Variants in USP24 observed in about 807,000 individuals in gnomAD.
USP24 encodes the protein ubiquitin specific peptidase 24.
A neutral mutation model predicts 361.6 loss-of-function variants in USP24; 97 were observed. That is an observed-to-expected ratio of 0.27 (90% CI 0.23 to 0.32). USP24 has a LOEUF of 0.32. USP24 is among the 10% of genes least tolerant of loss of function. The probability of loss-of-function intolerance (pLI) is 1.00; values close to 1 mark genes in which losing one functional copy is unlikely to be tolerated. For synonymous variants in USP24, 1,098 were observed against 1,124.6 expected (o/e 0.98, Z 0.47); for missense variants, 2,353 against 3,165.6 (o/e 0.74, Z 6.16).
chr1:55,132,059 T>C (rs896330539), intron 31 of USP24, among the ~76,000 whole-genome samples: 14 of 152,220 alleles, frequency 9.2e-5, no homozygotes, highest in African/African-American at 3.1e-4. Context: ...CTCTGTTCCC[T>C]TAACCACCAC....
intron 56 of USP24, 150 bp downstream of exon 56, chr1:55,085,792 C>T: frequency 2.9e-6 from 2 of 700,660 alleles, no homozygotes; most frequent in Non-Finnish European, 4.7e-6. Context: ...AATGCCTTCT[C>T]CCTGGCATGT....
intron 61 of USP24, 47 bp from the exon 62 acceptor site, chr1:55,077,347 G>A: frequency 6.9e-7 from 1 of 1,450,630 alleles, no homozygotes; most frequent in Non-Finnish European, 9.3e-7. Context: ...AAAGCATATT[G>A]GAATGGCAAT....
chr1:55,168,762 C>T (rs1169889437), intron 5 of USP24, among the ~76,000 whole-genome samples: 1 of 152,158 alleles, frequency 6.6e-6, no homozygotes, highest in African/African-American at 2.4e-5. Context: ...CTTTACTGCT[C>T]AAATTCACAC....
intron 24 of USP24, among the ~76,000 whole-genome samples, chr1:55,140,223 A>G (rs1382700887): frequency 2.0e-5 from 3 of 152,128 alleles, no homozygotes; most frequent in Non-Finnish European, 4.4e-5. Context: ...AGTAAAGAGA[A>G]AAAAACAAAA....
intron 41 of USP24, among the ~76,000 whole-genome samples, chr1:55,104,413 G>C (rs1645718864): frequency 6.6e-6 from 1 of 152,104 alleles, no homozygotes; most frequent in Admixed American, 6.5e-5. Flanking sequence ...GGCAGCAAAA[G>C]AAAGCTGTAA....
rs1570352245 is a variant in USP24 at position 55,079,802 on chromosome 1, ACACACTGAGTACTCGCAGAGTACTTG to A, written c.7079-169_7079-144del. Reference sequence around the variant, plus strand: ...CAGAGTACTCACACACTGAGTACTCACACACTGAGTACTCGCAGAGTACTTGCACACACAGTACTCACACACAGAGT... The same window carrying A: ...CAGAGTACTCACACACTGAGTACTCACACACACAGTACTCACACACAGAGT... On this transcript the variant is annotated intron_variant, in intron 59 of 67. Coordinates refer to ENST00000294383, the MANE Select transcript of USP24 (RefSeq NM_015306.3). The A allele has an allele frequency of 6.2e-6, 5 of 807,396 alleles. No individual in the cohort carries two copies. In the East Asian group the frequency reaches 1.5e-4, roughly 24 times the overall value. 50.0% of individuals were successfully genotyped at this position (807,396 alleles called of 1,614,324 possible).
chr1:55,096,556 G>C lies in USP24; in HGVS notation c.6003C>G (p.Asp2001Glu), dbSNP rs201586567. ...DTVIEEFDLN[D>E]ETLEYECFGG... The stretch of plus-strand genomic sequence containing the variant: ...CAAAGCATTCATACTCCAGGGTCTC[G>C]TCATTTAGGTCAAATTCTTCTATAA... The change falls in exon 50 of 68, where the codon GAC becomes GAG. Residue 2001 changes from aspartate to glutamate, a missense_variant. By Grantham distance (45) the Asp-to-Glu change is conservative. Coordinates refer to ENST00000294383, the MANE Select transcript of USP24 (RefSeq NM_015306.3). 6.2e-7 allele frequency: 1 copy of C among 1,612,766 alleles called. No homozygotes were observed. The highest frequency in any genetic ancestry group is 1.3e-5 in the African/African-American group (1 of 74,816).
At chr1:55,205,655 T>G (rs1327851873) in intron 1 of USP24, among the ~76,000 whole-genome samples, 1 of 152,234 alleles carries the variant, frequency 6.6e-6, no homozygotes, top group Non-Finnish European at 1.5e-5. Context: ...TTTTAGAGTC[T>G]GCAAAATTTT....
intron 1 of USP24, among the ~76,000 whole-genome samples, chr1:55,182,866 C>G (rs1644016429): frequency 6.6e-6 from 1 of 152,104 alleles, no homozygotes; most frequent in Non-Finnish European, 1.5e-5. Flanking sequence ...AAGCGCATAC[C>G]ACCATGTCCA....
chr1:55,182,451 C>T (rs1644002228), intron 1 of USP24, among the ~76,000 whole-genome samples: 1 of 152,154 alleles, frequency 6.6e-6, no homozygotes. Context: ...TTATGGCAGC[C>T]TGTTGAGGCT....
Position 55,081,406 on chromosome 1 carries a change from C to T in USP24, c.6994G>A (p.Ala2332Thr), listed in dbSNP as rs781107218. ...QNNQIRRWSSAQAREFGNLHN... is the reference protein window; with the variant it reads ...QNNQIRRWSSTQAREFGNLHN... ...AGATTCCCAAATTCTCGTGCTTGTG[C>T]TGAACTCCATCGACGTATCTGTCAT... Residue 2332 changes from alanine to threonine, a missense_variant, in exon 59 of 68, where the codon GCA becomes ACA. Around this residue, in one of 8 missense-constraint regions of USP24, gnomAD observed 598 missense variants for 761.9 expected, o/e 0.78. Coordinates refer to ENST00000294383, the MANE Select transcript of USP24 (RefSeq NM_015306.3). 1.2e-6 allele frequency: 2 copies of T among 1,613,698 alleles called. No individual in the cohort carries two copies. Among genetic ancestry groups the T allele is most frequent in the Non-Finnish European group, 8.5e-7 (1 of 1,179,674 alleles).
intron 16 of USP24, among the ~76,000 whole-genome samples, chr1:55,149,663 T>C (rs1647137224): frequency 6.6e-6 from 1 of 152,170 alleles, no homozygotes; most frequent in Non-Finnish European, 1.5e-5. Context: ...TAGACAATTA[T>C]GTCAAAAGAA....
chr1:55,138,919 A>T, intron 25 of USP24, 25 bp downstream of exon 25: 1 of 1,607,292 alleles, frequency 6.2e-7, no homozygotes, highest in Non-Finnish European at 8.5e-7. Flanking sequence ...AGCAACATAC[A>T]TCTTAAAAAA....
intron 38 of USP24, 87 bp downstream of exon 38, chr1:55,120,509 T>A (rs746942976): frequency 7.2e-7 from 1 of 1,388,738 alleles, no homozygotes; most frequent in Admixed American, 3.0e-5. Flanking sequence ...ATCTCAATAA[T>A]GCACTGTGGA....
intron 16 of USP24, chr1:55,151,929 T>C (rs1169356798): frequency 2.0e-6 from 2 of 985,668 alleles, no homozygotes; most frequent in Non-Finnish European, 2.4e-6. Flanking sequence ...TTAGTTTCTG[T>C]GTAGCCTGGC....
At chr1:55,148,402 G>T in intron 17 of USP24, 61 bp downstream of exon 17, 1 of 1,291,764 alleles carries the variant, frequency 7.7e-7, no homozygotes, top group Non-Finnish European at 1.1e-6. Flanking sequence ...TTTTAGCCAT[G>T]TTTTGTTATT....
intron 7 of USP24, among the ~76,000 whole-genome samples, chr1:55,163,041 G>A (rs2100771045): frequency 6.6e-6 from 1 of 152,114 alleles, no homozygotes; most frequent in Non-Finnish European, 1.5e-5. Flanking sequence ...ATAAGGAAAA[G>A]AGAGATTATT....
intron 21 of USP24, among the ~76,000 whole-genome samples, chr1:55,143,432 T>G (rs565719938): frequency 2.8e-4 from 42 of 152,144 alleles, no homozygotes; most frequent in Non-Finnish European, 3.2e-4. Context: ...AGGAGTGAGA[T>G]GGGCACCATC....
intron 42 of USP24, 37 bp downstream of exon 42, chr1:55,103,839 T>TA (rs749660943): frequency 2.5e-6 from 4 of 1,586,860 alleles, no homozygotes; most frequent in Non-Finnish European, 3.4e-6. Context: ...GAGATCATTC[T>TA]AAAAAAATTA....
Sources: allele counts gnomAD v4.1 joint callset (sites outside exome capture counted in the v4.1 genomes callset), GRCh38; gene constraint gnomAD v4.1.1; regional missense constraint gnomAD v4.1.1; transcripts MANE v1.5; gene names NCBI Gene and HGNC (gene_info 2026-07-23, HGNC 2026-07-21).